MLLT3: variants seen among roughly 807,000 people sequenced by gnomAD.
MLLT3 encodes protein AF-9.
In MLLT3, 4 loss-of-function variants were observed where a neutral mutation model predicts 53.2. The ratio of observed to expected loss-of-function variants is 0.08; its 90% CI spans 0.04 to 0.17. MLLT3 has a LOEUF of 0.17. Ranked by LOEUF, MLLT3 falls within the 10% of genes least tolerant of loss-of-function variation. The pLI, the probability that MLLT3 is intolerant of heterozygous loss-of-function variation, is 1.00. For synonymous variants in MLLT3, 283 were observed against 230.6 expected (o/e 1.23, Z -2.06); for missense variants, 569 against 684.0 (o/e 0.83, Z 1.87).
At chr9:20,423,147 C>T (rs1383272358) in intron 4 of MLLT3, among the ~76,000 whole-genome samples, 2 of 152,104 alleles carry the variant, frequency 1.3e-5, no homozygotes, top group African/African-American at 4.8e-5. Flanking sequence ...CCTCCTTCCT[C>T]ACCCCTTGCA....
chr9:20,482,382 C>A (rs6475434), intron 2 of MLLT3, among the ~76,000 whole-genome samples: 112,984 of 152,148 alleles, frequency 0.74, 42,297 homozygotes, highest in Middle Eastern at 0.86. Context: ...AGTAACTTTG[C>A]AATGGTCATC....
At chr9:20,553,765 G>A (rs1818985888) in intron 2 of MLLT3, among the ~76,000 whole-genome samples, 1 of 151,768 alleles carries the variant, frequency 6.6e-6, no homozygotes, top group Non-Finnish European at 1.5e-5. Flanking sequence ...GCTTGAATAT[G>A]TAACTAAGTT....
At chr9:20,516,241 C>T (rs190014929) in intron 2 of MLLT3, among the ~76,000 whole-genome samples, 59 of 152,310 alleles carry the variant, frequency 3.9e-4, no homozygotes, top group African/African-American at 1.3e-3. Context: ...TTACACTAAA[C>T]GGCTCTCTGG....
chr9:20,584,821 C>T (rs888491456), intron 2 of MLLT3, among the ~76,000 whole-genome samples: 3 of 152,174 alleles, frequency 2.0e-5, no homozygotes, highest in African/African-American at 7.2e-5. Flanking sequence ...TAAGGTTCTT[C>T]CATGTCTTTT....
intron 2 of MLLT3, among the ~76,000 whole-genome samples, chr9:20,568,379 A>C (rs1819439528): frequency 6.6e-6 from 1 of 152,194 alleles, no homozygotes; most frequent in Non-Finnish European, 1.5e-5. Context: ...TGAAAACTTA[A>C]AATAAAATGC....
chr9:20,545,349 C>T (rs1818759259), intron 2 of MLLT3, among the ~76,000 whole-genome samples: 1 of 152,042 alleles, frequency 6.6e-6, no homozygotes, highest in Non-Finnish European at 1.5e-5. Flanking sequence ...GAGGCATTTA[C>T]AGTGGTCAAA....
Position 20,529,817 on chromosome 9 carries a change from G to C in MLLT3, c.194-73031C>G, listed in dbSNP as rs111839700. ...ACGCCTGGCCTTTAACAATTCCCCTGCCTTGGCCTCCCAAAGCTGACAGGC... is the reference window on the plus strand; with the variant it reads ...ACGCCTGGCCTTTAACAATTCCCCTCCCTTGGCCTCCCAAAGCTGACAGGC... On this transcript the variant is annotated intron_variant, in intron 2 of 10. Transcript: ENST00000380338. Among the ~76,000 whole-genome samples, 5 of 135,968 alleles carry C rather than the reference G, an allele frequency of 3.7e-5. No individual in the cohort carries two copies. In the Admixed American group the frequency reaches 4.4e-4, roughly 12 times the overall value. 89.2% of individuals were successfully genotyped at this position (135,968 alleles called of 152,430 possible).
At chr9:20,356,518 T>C (rs952459690) in intron 8 of MLLT3, among the ~76,000 whole-genome samples, 2 of 151,908 alleles carry the variant, frequency 1.3e-5, no homozygotes, top group African/African-American at 2.4e-5. Context: ...ACTCAGATAC[T>C]GGGCTGGGCA....
chr9:20,584,656 G>A (rs540765772), intron 2 of MLLT3, among the ~76,000 whole-genome samples: 6 of 152,230 alleles, frequency 3.9e-5, no homozygotes, highest in South Asian at 4.1e-4. Flanking sequence ...CAGATCTCAC[G>A]AGACTTATTC....
chr9:20,361,545 C>A (rs1276997381), intron 7 of MLLT3, among the ~76,000 whole-genome samples: 1 of 152,162 alleles, frequency 6.6e-6, no homozygotes, highest in Non-Finnish European at 1.5e-5. Context: ...AACACTGATA[C>A]AACAATTCAT....
At chr9:20,609,682 A>G (rs1820652149) in intron 2 of MLLT3, among the ~76,000 whole-genome samples, 1 of 152,108 alleles carries the variant, frequency 6.6e-6, no homozygotes, top group Admixed American at 6.6e-5. Flanking sequence ...GTAATAGTTG[A>G]TGGTTGAGGT....
chr9:20,575,925 G>A (rs61247793), intron 2 of MLLT3, among the ~76,000 whole-genome samples: 3,762 of 152,258 alleles, frequency 0.025, 173 homozygotes, highest in African/African-American at 0.085. Flanking sequence ...TCCAAGTCAA[G>A]CACTGACTTC....
At chr9:20,494,087 C>T (rs1437179687) in intron 2 of MLLT3, among the ~76,000 whole-genome samples, 1 of 152,026 alleles carries the variant, frequency 6.6e-6, no homozygotes, top group Non-Finnish European at 1.5e-5. Context: ...CATTTATTAT[C>T]CTGGATAACA....
At chr9:20,480,904 A>T (rs149578222) in intron 2 of MLLT3, among the ~76,000 whole-genome samples, 254 of 152,312 alleles carry the variant, frequency 1.7e-3, no homozygotes, top group African/African-American at 5.8e-3. Flanking sequence ...GGTCAGAGGG[A>T]CCTTATTCAA....
chr9:20,584,258 T>C (rs1292843630), intron 2 of MLLT3, among the ~76,000 whole-genome samples: 1 of 152,198 alleles, frequency 6.6e-6, no homozygotes, highest in East Asian at 1.9e-4. Context: ...GACTTTATTG[T>C]TCATATCGCT....
rs1563938166 is a variant in MLLT3 at position 20,365,715 on chromosome 9, G to GCTGGAC, written c.1154_1155insGTCCAG (p.Ser384_Ser385insArgSer). Reference sequence around the variant, plus strand: ...GTGTGAAGCTGGAGCTGGAGCTGGAGCTGGAGCTGGCAGGACTGGGTTGTT... The same window carrying GCTGGAC: ...GTGTGAAGCTGGAGCTGGAGCTGGAGCTGGACCTGGAGCTGGCAGGACTGGGTTGTT... On this transcript the variant is annotated inframe_insertion, in exon 6 of 11. Transcript: ENST00000380338. 6.2e-7 allele frequency: 1 copy of GCTGGAC among 1,614,202 alleles called. No homozygotes were observed. Among genetic ancestry groups the GCTGGAC allele is most frequent in the Non-Finnish European group, 8.5e-7 (1 of 1,180,032 alleles).
intron 2 of MLLT3, among the ~76,000 whole-genome samples, chr9:20,514,199 A>T (rs1340642068): frequency 2.0e-5 from 3 of 152,174 alleles, no homozygotes; most frequent in African/African-American, 4.8e-5. Context: ...AACAAGGAGG[A>T]TACCAGGATC....
intron 2 of MLLT3, among the ~76,000 whole-genome samples, chr9:20,482,458 A>T (rs1299359462): frequency 6.6e-6 from 1 of 152,222 alleles, no homozygotes; most frequent in African/African-American, 2.4e-5. Context: ...TTCTCGGGTC[A>T]TTGGAACACT....
chr9:20,576,879 G>GC (rs1484722621), intron 2 of MLLT3, among the ~76,000 whole-genome samples: 1 of 152,146 alleles, frequency 6.6e-6, no homozygotes, highest in East Asian at 1.9e-4. Context: ...GGTGGCACAT[G>GC]CCTGTAGTCC....
Sources: gnomAD v4.1 joint callset for allele counts (sites outside exome capture counted in the v4.1 genomes callset) on GRCh38, gnomAD v4.1.1 for gene constraint, MANE v1.5 for transcripts, NCBI Gene and HGNC (gene_info 2026-07-23, HGNC 2026-07-21) for gene names.